Variants in FOXP2 observed in about 807,000 individuals in gnomAD.
FOXP2 encodes the protein forkhead box P2, also known as forkhead box protein P2.
Under a neutral mutation model 115.8 loss-of-function variants are expected in FOXP2, and 12 were observed. The observed-to-expected ratio is 0.10, with a 90% confidence interval of 0.07 to 0.17. The LOEUF (loss-of-function observed/expected upper bound fraction) is 0.17, where lower values mean the gene tolerates loss of function less well. FOXP2 is among the 10% of genes least tolerant of loss of function. The pLI, the probability that FOXP2 is intolerant of heterozygous loss-of-function variation, is 1.00. For missense variants in FOXP2, 629 were observed against 843.5 expected (o/e 0.75, Z 3.15); for synonymous variants, 328 against 297.7 (o/e 1.10, Z -1.05).
chr7:114,291,985 A>AATATATATATTATAGATAACATATAGAAT lies in FOXP2; in HGVS notation c.-11+3884_-11+3885insATTATAGATAACATATAGAATATATATAT, dbSNP rs3997265. Among the ~76,000 whole-genome samples, 5 of 33,176 alleles carry AATATATATATTATAGATAACATATAGAAT rather than the reference A, an allele frequency of 1.5e-4. 2 individuals are homozygous for AATATATATATTATAGATAACATATAGAAT. Among genetic ancestry groups the AATATATATATTATAGATAACATATAGAAT allele is most frequent in the African/African-American group, 2.7e-4 (5 of 18,468 alleles). The allele number at this position is 33,176 out of a possible 152,430, so 21.8% of individuals were successfully genotyped here. The stretch of plus-strand genomic sequence containing the variant: ...AATATATATTATAGATAATATATAG[A>AATATATATATTATAGATAACATATAGAAT]ATATATATTATAGATAATATATAGA... On this transcript the variant is annotated intron_variant, in intron 2 of 17. Coordinates refer to the FOXP2 transcript ENST00000634411.
chr7:114,207,963 C>G (rs1794242682), intron 1 of FOXP2, among the ~76,000 whole-genome samples: 1 of 152,192 alleles, frequency 6.6e-6, no homozygotes, highest in African/African-American at 2.4e-5. Flanking sequence ...GAGTTCAAGA[C>G]CAGCCTGGAC....
At chr7:114,565,142 T>C (rs190939953) in intron 3 of FOXP2, among the ~76,000 whole-genome samples, 1 of 151,462 alleles carries the variant, frequency 6.6e-6, no homozygotes, top group East Asian at 1.9e-4. Flanking sequence ...TTTTATCAGA[T>C]TGCCAAAGAG....
At chr7:114,179,995 A>C (rs928541387) in intron 1 of FOXP2, among the ~76,000 whole-genome samples, 1 of 151,976 alleles carries the variant, frequency 6.6e-6, no homozygotes, top group Non-Finnish European at 1.5e-5. Context: ...GAATGATTGA[A>C]TAAAGTACTG....
upstream of FOXP2, chr7:114,162,956 A>G (rs1232232021): frequency 6.6e-6 from 1 of 152,160 alleles, no homozygotes; most frequent in Non-Finnish European, 1.5e-5. Flanking sequence ...CAAACAAATA[A>G]TAGAAGTCTG....
At chr7:114,294,011 G>A (rs1796674750) in intron 2 of FOXP2, among the ~76,000 whole-genome samples, 1 of 152,086 alleles carries the variant, frequency 6.6e-6, no homozygotes, top group Non-Finnish European at 1.5e-5. Flanking sequence ...CACTGCCCTT[G>A]ACTTTGAGGG....
At chr7:114,142,096 C>G (rs915359276) in intron 1 of FOXP2, among the ~76,000 whole-genome samples, 1 of 152,072 alleles carries the variant, frequency 6.6e-6, no homozygotes, top group African/African-American at 2.4e-5. Context: ...GATCTCGGCT[C>G]ACTGCAACCT....
At chr7:114,294,745 G>A (rs375856003) in intron 2 of FOXP2, among the ~76,000 whole-genome samples, 16 of 152,076 alleles carry the variant, frequency 1.1e-4, no homozygotes, top group South Asian at 6.2e-4. Context: ...GGAGGCTGAG[G>A]CAGGAGAATC....
chr7:114,657,898 C>A (rs1806671080), intron 10 of FOXP2, among the ~76,000 whole-genome samples, 168 bp from the exon 11 acceptor site: 1 of 152,128 alleles, frequency 6.6e-6, no homozygotes, highest in African/African-American at 2.4e-5. Flanking sequence ...AATTAGAGTT[C>A]TTATGATACA....
At chr7:114,191,403 A>G (rs560082488) in intron 1 of FOXP2, among the ~76,000 whole-genome samples, 5 of 152,264 alleles carry the variant, frequency 3.3e-5, no homozygotes, top group Admixed American at 1.3e-4. Context: ...CTTTACATAT[A>G]CCTATTTGTT....
At position 114,663,550 on chromosome 7, in the gene FOXP2, G is replaced by T. The variant is rs779720874; in HGVS notation, c.1839+31G>T. 77 of 1,401,680 alleles carry T rather than the reference G, an allele frequency of 5.5e-5. No individual in the cohort carries two copies. In the South Asian group the frequency reaches 7.0e-4, roughly 13 times the overall value. The allele number at this position is 1,401,680 out of a possible 1,614,324, so 86.8% of individuals were successfully genotyped here. On this transcript the variant is annotated intron_variant, in intron 15 of 16. Transcript: ENST00000350908. Reference sequence around the variant, plus strand: ...GTACTTTCCCAGTTTTGTTGTATTTGAATGTTTAGGGCTTTTTTTTTTTTT... The same window carrying T: ...GTACTTTCCCAGTTTTGTTGTATTTTAATGTTTAGGGCTTTTTTTTTTTTT...
At chr7:114,246,577 A>G (rs1390753111) in intron 1 of FOXP2, among the ~76,000 whole-genome samples, 1 of 152,172 alleles carries the variant, frequency 6.6e-6, no homozygotes, top group Non-Finnish European at 1.5e-5. Context: ...TAGATTAGTA[A>G]ACTGATATTC....
chr7:114,603,978 A>T (rs28587831), intron 3 of FOXP2, among the ~76,000 whole-genome samples: 1 of 152,162 alleles, frequency 6.6e-6, no homozygotes, highest in African/African-American at 2.4e-5. Context: ...ATTCAAGGAT[A>T]CTTTCAATAT....
chr7:114,559,384 C>T (rs530733547), intron 3 of FOXP2, among the ~76,000 whole-genome samples: 32 of 152,130 alleles, frequency 2.1e-4, no homozygotes, highest in African/African-American at 7.0e-4. Context: ...TGGAGACAGC[C>T]TGGATTCTGG....
At chr7:114,182,747 A>G (rs1033718677) in intron 1 of FOXP2, among the ~76,000 whole-genome samples, 1 of 152,068 alleles carries the variant, frequency 6.6e-6, no homozygotes, top group African/African-American at 2.4e-5. Flanking sequence ...AGATAATATG[A>G]TGCCTGTTGA....
intron 16 of FOXP2, 152 bp from the exon 17 acceptor site, chr7:114,689,630 T>C: frequency 1.3e-6 from 1 of 740,866 alleles, no homozygotes; most frequent in South Asian, 1.6e-5. Flanking sequence ...ATCATGTCTC[T>C]AACCAGCTCA....
At chr7:114,122,687 A>T (rs2129143969) in intron 1 of FOXP2, among the ~76,000 whole-genome samples, 1 of 152,186 alleles carries the variant, frequency 6.6e-6, no homozygotes, top group South Asian at 2.1e-4. Context: ...CAGGGCTGAA[A>T]TGTTTACACT....
At chr7:114,242,090 TTGAA>T (rs1399470474) in intron 1 of FOXP2, among the ~76,000 whole-genome samples, 6 of 150,644 alleles carry the variant, frequency 4.0e-5, no homozygotes. Context: ...AGAAGAGCTG[TTGAA>T]TGACTATTAA....
At chr7:114,267,613 A>G (rs1013678188) in intron 1 of FOXP2, among the ~76,000 whole-genome samples, 1 of 151,590 alleles carries the variant, frequency 6.6e-6, no homozygotes, top group Non-Finnish European at 1.5e-5. Flanking sequence ...TGTAGTCCCA[A>G]CTACTCGGGA....
chr7:114,688,821 C>T (rs942370076), intron 16 of FOXP2, among the ~76,000 whole-genome samples: 1 of 152,138 alleles, frequency 6.6e-6, no homozygotes, highest in African/African-American at 2.4e-5. Flanking sequence ...TCATGTCTCA[C>T]TGAACTGCTG....
Sources: gnomAD v4.1 joint callset for allele counts (sites outside exome capture counted in the v4.1 genomes callset) on GRCh38, gnomAD v4.1.1 for gene constraint, MANE v1.5 for transcripts, NCBI Gene and HGNC (gene_info 2026-07-23, HGNC 2026-07-21) for gene names.